Variants in SNX30 observed in about 807,000 individuals in gnomAD.
SNX30 encodes the protein sorting nexin-30.
A neutral mutation model predicts 46.4 loss-of-function variants in SNX30; 24 were observed. The observed-to-expected ratio is 0.52, with a 90% confidence interval of 0.37 to 0.73. SNX30 has a LOEUF of 0.73. SNX30 is among the 30% of genes least tolerant of loss of function. The pLI is 0.00. For missense variants in SNX30, 533 were observed against 555.7 expected (o/e 0.96, Z 0.41); for synonymous variants, 189 against 211.5 (o/e 0.89, Z 0.92).
At chr9:112,797,711 C>CTTTTTTTTTTTTTTTTTTTTTTTCT (rs71384277) in intron 1 of SNX30, among the ~76,000 whole-genome samples, 1 of 121,358 alleles carries the variant, frequency 8.2e-6, no homozygotes, top group Non-Finnish European at 1.6e-5. Context: ...TTTTCTTTTT[C>CTTTTTTTTTTTTTTTTTTTTTTTCT]TTTTTTTTTT....
chr9:112,865,624 CATATATATAT>C (rs796986603), intron 8 of SNX30, among the ~76,000 whole-genome samples: 18,736 of 79,004 alleles, frequency 0.24, 2,298 homozygotes, highest in Non-Finnish European at 0.26. Context: ...CCTGTCACGC[CATATATATAT>C]ATATATATAT....
intron 1 of SNX30, among the ~76,000 whole-genome samples, chr9:112,760,180 C>T (rs1006244985): frequency 1.3e-5 from 2 of 152,156 alleles, no homozygotes; most frequent in Non-Finnish European, 2.9e-5. Flanking sequence ...CTGTTACCCT[C>T]AGGACTGGAG....
intron 1 of SNX30, among the ~76,000 whole-genome samples, chr9:112,778,661 G>A (rs1227982815): frequency 6.6e-6 from 1 of 152,206 alleles, no homozygotes; most frequent in African/African-American, 2.4e-5. Flanking sequence ...TGGGGAAGTG[G>A]CCAGGTCACA....
chr9:112,752,658 C>T (rs1390893810), intron 1 of SNX30, among the ~76,000 whole-genome samples: 2 of 152,200 alleles, frequency 1.3e-5, no homozygotes, highest in African/African-American at 4.8e-5. Context: ...AAAAATTGGT[C>T]TTAAAATAGT....
intron 7 of SNX30, among the ~76,000 whole-genome samples, chr9:112,856,074 T>C (rs1011565438): frequency 6.6e-6 from 1 of 152,144 alleles, no homozygotes; most frequent in African/African-American, 2.4e-5. Context: ...GCTAATACAC[T>C]TGGTATAACT....
intron 7 of SNX30, among the ~76,000 whole-genome samples, chr9:112,853,020 G>A (rs949470172): frequency 1.3e-5 from 2 of 152,142 alleles, no homozygotes; most frequent in East Asian, 1.9e-4. Context: ...TCTGAGGCCC[G>A]GGGGAAGGCA....
intron 4 of SNX30, among the ~76,000 whole-genome samples, chr9:112,834,851 C>A (rs868072209): frequency 1.5e-5 from 1 of 66,426 alleles, no homozygotes; most frequent in Non-Finnish European, 3.7e-5. Context: ...CAAACACACA[C>A]ACACACACAC....
At chr9:112,762,434 T>C (rs1265176623) in intron 1 of SNX30, among the ~76,000 whole-genome samples, 2 of 151,680 alleles carry the variant, frequency 1.3e-5, no homozygotes, top group Non-Finnish European at 2.9e-5. Flanking sequence ...AAAGAAGATC[T>C]CTCCCCCGAG....
rs1394142991 is a variant in SNX30 at position 112,874,105 on chromosome 9, A to G, written c.*5262A>G. ...CACTTCAGTCAGAAATGTTACTGGG[A>G]GGAGGAAAGGAAAATCACTTTTTTT... On this transcript the variant is annotated 3_prime_UTR_variant, in exon 9 of 9. Transcript: ENST00000374232. The G allele has an allele frequency of 6.6e-6, 1 of 152,270 alleles. No individual in the cohort carries two copies. The highest frequency in any genetic ancestry group is 1.5e-5 in the Non-Finnish European group (1 of 68,040). 9.4% of individuals were successfully genotyped at this position (152,270 alleles called of 1,614,324 possible). A position where few individuals can be genotyped will look rare whatever the true frequency, so the allele number is the denominator to read the frequency against.
At chr9:112,843,966 G>A (rs1840899736) in intron 6 of SNX30, among the ~76,000 whole-genome samples, 2 of 152,162 alleles carry the variant, frequency 1.3e-5, no homozygotes, top group Admixed American at 6.5e-5. Flanking sequence ...GTTTTATGCA[G>A]GGGGATGACA....
At chr9:112,791,942 G>A (rs536902171) in intron 1 of SNX30, among the ~76,000 whole-genome samples, 1 of 152,244 alleles carries the variant, frequency 6.6e-6, no homozygotes, top group East Asian at 1.9e-4. Context: ...CATTTGACTT[G>A]ATCCTGGTAT....
At chr9:112,822,665 A>G (rs1395319726) in intron 3 of SNX30, among the ~76,000 whole-genome samples, 1 of 150,424 alleles carries the variant, frequency 6.6e-6, no homozygotes, top group African/African-American at 2.4e-5. Context: ...ATTCCCCCTT[A>G]TTTGTGGTTT....
At chr9:112,830,665 G>T in intron 3 of SNX30, 60 bp from the exon 4 acceptor site, 1 of 1,516,270 alleles carries the variant, frequency 6.6e-7, no homozygotes, top group Admixed American at 2.0e-5. Flanking sequence ...TGCTAGCCTG[G>T]TTGTTTTTCC....
intron 7 of SNX30, among the ~76,000 whole-genome samples, chr9:112,854,299 C>T (rs1489476458): frequency 2.0e-5 from 3 of 152,242 alleles, no homozygotes; most frequent in Non-Finnish European, 4.4e-5. Context: ...GGCTCCTGGC[C>T]TCACATTCCT....
rs907619236 is a variant in SNX30, at chr9:112,874,862, T to A, written c.*6019T>A. 2.6e-4 allele frequency: 40 copies of A among 152,212 alleles called. No homozygotes were observed. Among genetic ancestry groups the A allele is most frequent in the African/African-American group, 9.2e-4 (38 of 41,466 alleles). 9.4% of individuals were successfully genotyped at this position (152,212 alleles called of 1,614,324 possible). A position where few individuals can be genotyped will look rare whatever the true frequency, so the allele number is the denominator to read the frequency against. ...AAAAAATTGTTGTTTACTATGGAAT[T>A]AGTATTACATTTTGAGGTAAACAAA... On this transcript the variant is annotated 3_prime_UTR_variant, in exon 9 of 9. Coordinates refer to ENST00000374232, the MANE Select transcript of SNX30 (RefSeq NM_001012994.2).
intron 4 of SNX30, 66 bp from the exon 5 acceptor site, chr9:112,836,148 T>A: frequency 2.8e-6 from 4 of 1,409,012 alleles, no homozygotes. Context: ...TTTTAGAAGC[T>A]GTTTTATTTA....
downstream of SNX30, chr9:112,878,916 C>T (rs1841545644): frequency 6.6e-6 from 1 of 152,198 alleles, no homozygotes; most frequent in Non-Finnish European, 1.5e-5. Context: ...GATTCACACA[C>T]TCATACAATG....
In SNX30 at chr9:112,869,067, A is replaced by AT; in HGVS notation, c.*225dup. 1.7e-6 allele frequency: 1 copy of AT among 579,000 alleles called. No homozygotes were observed. The highest frequency in any genetic ancestry group is 3.1e-6 in the Non-Finnish European group (1 of 323,204). 35.9% of individuals were successfully genotyped at this position (579,000 alleles called of 1,614,324 possible). A position where few individuals can be genotyped will look rare whatever the true frequency, so the allele number is the denominator to read the frequency against. On this transcript the variant is annotated 3_prime_UTR_variant, in exon 9 of 9. Transcript: ENST00000374232. ...TAGAATATCTCTCAGCAAGAGCAGC[A>AT]TACCTCCATGTTGTGAAGGCATCTG...
chr9:112,846,910 A>G (rs1840947108), intron 6 of SNX30, among the ~76,000 whole-genome samples: 1 of 152,158 alleles, frequency 6.6e-6, no homozygotes, highest in Admixed American at 6.5e-5. Context: ...CAGCCTTGCC[A>G]GGGTCAGACA....
Sources: gnomAD v4.1 joint callset for allele counts (sites outside exome capture counted in the v4.1 genomes callset) on GRCh38, gnomAD v4.1.1 for gene constraint, MANE v1.5 for transcripts, NCBI Gene and HGNC (gene_info 2026-07-23, HGNC 2026-07-21) for gene names.